Variants in CSNK1G2 observed in about 807,000 individuals in gnomAD.
The protein encoded by CSNK1G2 is casein kinase I isoform gamma-2.
CSNK1G2 carries 11 observed loss-of-function variants against 48.0 expected under a neutral mutation model. The ratio of observed to expected loss-of-function variants is 0.23; its 90% CI spans 0.14 to 0.38. The LOEUF is 0.38. Ranked by LOEUF, CSNK1G2 falls within the 10% of genes least tolerant of loss-of-function variation. The pLI is 1.00. For missense variants in CSNK1G2, 446 were observed against 595.5 expected (o/e 0.75, Z 2.61); for synonymous variants, 337 against 254.1 (o/e 1.33, Z -3.10).
At chr19:1,953,348 C>A (rs747704892) in intron 1 of CSNK1G2, 1 of 531,700 alleles carries the variant, frequency 1.9e-6, no homozygotes, top group South Asian at 1.4e-5. Context: ...GCTGTGGGGG[C>A]CTGTGCGCCA....
chr19:1,957,139 G>A lies in CSNK1G2; in HGVS notation c.-265-12369G>A, dbSNP rs1210205118. Among the ~76,000 whole-genome samples the A allele has an allele frequency of 6.6e-6, 1 of 152,178 alleles. No individual in the cohort carries two copies. Among genetic ancestry groups the A allele is most frequent in the Non-Finnish European group, 1.5e-5 (1 of 68,030 alleles). ...GGGTCCCCGGCTGTGGAGAGGGCAA[G>A]GCAGGGGCGGCTAGAAAGAAAAGCA... On this transcript the variant is annotated intron_variant, in intron 1 of 11. Coordinates refer to ENST00000255641, the MANE Select transcript of CSNK1G2 (RefSeq NM_001319.7). The surrounding 1 kb of genome is among the most constrained non-coding windows in gnomAD (Gnocchi z 5.4).
rs368766671 is a variant in CSNK1G2 at position 1,978,297 on chromosome 19, C to T, written c.188-8C>T. ...CGCTGGCGGTGCTGATGGTCTCTGT[C>T]CCCGCAGGAAAGAATCTCTATACAA... On this transcript the variant is annotated splice_polypyrimidine_tract_variant and splice_region_variant and intron_variant, in intron 2 of 11. Coordinates refer to ENST00000255641, the MANE Select transcript of CSNK1G2 (RefSeq NM_001319.7). This position sits in a 1 kb window ranked among gnomAD's most constrained non-coding sequence, Gnocchi z 7.3. 54 of 1,613,302 alleles carry T rather than the reference C, an allele frequency of 3.3e-5. No individual in the cohort carries two copies. In the African/African-American group the frequency reaches 6.9e-4, roughly 21 times the overall value.
At chr19:1,965,089 G>A (rs987163072) in intron 1 of CSNK1G2, among the ~76,000 whole-genome samples, 2 of 150,518 alleles carry the variant, frequency 1.3e-5, no homozygotes, top group Admixed American at 6.6e-5. Context: ...AAGATCCCTA[G>A]TGGAGACGTA....
intron 1 of CSNK1G2, among the ~76,000 whole-genome samples, chr19:1,966,549 T>C (rs1433731493): frequency 6.6e-6 from 1 of 152,122 alleles, no homozygotes; most frequent in East Asian, 1.9e-4. Context: ...ACAAAGAACT[T>C]GGAACAGCCC....
At chr19:1,964,771 G>T (rs1000817034) in intron 1 of CSNK1G2, among the ~76,000 whole-genome samples, 3 of 151,252 alleles carry the variant, frequency 2.0e-5, no homozygotes, top group African/African-American at 7.3e-5. Flanking sequence ...CGTCACCCAG[G>T]CTGGAGTGCA....
Position 1,978,594 on chromosome 19 carries a change from C to T in CSNK1G2, c.299-8C>T, listed in dbSNP as rs376961305. 1.8e-4 allele frequency: 283 copies of T among 1,588,288 alleles called. 1 individual carries two copies. The Middle Eastern group carries it at 2.7e-3, about 15-fold the overall frequency. ...GCCGCACGCCCGTGCGTCTGTCCTC[C>T]GCCGCAGAGGGCGTCCCTCAGGTCT... On this transcript the variant is annotated splice_polypyrimidine_tract_variant and splice_region_variant and intron_variant, in intron 4 of 11. Coordinates refer to ENST00000255641, the MANE Select transcript of CSNK1G2 (RefSeq NM_001319.7). This position sits in a 1 kb window ranked among gnomAD's most constrained non-coding sequence, Gnocchi z 7.3.
At chr19:1,955,391 G>A (rs1325177398) in intron 1 of CSNK1G2, among the ~76,000 whole-genome samples, 1 of 152,186 alleles carries the variant, frequency 6.6e-6, no homozygotes, top group Non-Finnish European at 1.5e-5. Flanking sequence ...AGCGGCCACC[G>A]TGGGCGGCAG....
chr19:1,953,010 G>A lies in CSNK1G2; in HGVS notation c.-266+11592G>A, dbSNP rs539784942. ...AGTCTGGGTGGCAGAGCGAGACTCC[G>A]TCTGAAAAAAAAAACAAAGGAAATG... On this transcript the variant is annotated intron_variant, in intron 1 of 11. Coordinates refer to ENST00000255641, the MANE Select transcript of CSNK1G2 (RefSeq NM_001319.7). 19 of 412,176 alleles carry A rather than the reference G, an allele frequency of 4.6e-5. No homozygotes were observed. In the East Asian group the frequency reaches 1.5e-3, roughly 32 times the overall value. 25.5% of individuals were successfully genotyped at this position (412,176 alleles called of 1,614,324 possible). A position where few individuals can be genotyped will look rare whatever the true frequency, so the allele number is the denominator to read the frequency against.
In CSNK1G2 at chr19:1,952,843, G is replaced by A. The variant is rs372199329; in HGVS notation, c.-266+11425G>A. 3.0e-5 allele frequency: 11 copies of A among 368,660 alleles called. 1 individual carries two copies. Among genetic ancestry groups the A allele is most frequent in the East Asian group, 1.1e-4 (1 of 9,200 alleles). 22.8% of individuals were successfully genotyped at this position (368,660 alleles called of 1,614,324 possible). ...TCCCCGGGGAGTTAGGCCGAACCCT[G>A]CTGTGCCCTTCACTCTGCAGCCCTC... On this transcript the variant is annotated intron_variant, in intron 1 of 11. Coordinates refer to ENST00000255641, the MANE Select transcript of CSNK1G2 (RefSeq NM_001319.7).
chr19:1,952,873 G>A lies in CSNK1G2; in HGVS notation c.-266+11455G>A, dbSNP rs561634721. 16 of 430,572 alleles carry A rather than the reference G, an allele frequency of 3.7e-5. No homozygotes were observed. In the East Asian group the frequency reaches 1.0e-3, roughly 28 times the overall value. The allele number at this position is 430,572 out of a possible 1,614,324, so 26.7% of individuals were successfully genotyped here. ...GCCCTTCACTCTGCAGCCCTCGTGG[G>A]GATCATCACAGAGGCAGGAGCTGGC... On this transcript the variant is annotated intron_variant, in intron 1 of 11. Coordinates refer to ENST00000255641, the MANE Select transcript of CSNK1G2 (RefSeq NM_001319.7).
At chr19:1,963,433 C>G (rs922340304) in intron 1 of CSNK1G2, among the ~76,000 whole-genome samples, 13 of 151,524 alleles carry the variant, frequency 8.6e-5, no homozygotes, top group African/African-American at 2.9e-4. Context: ...AGGATGGTCT[C>G]TATCTCCTGA....
At chr19:1,967,308 C>T (rs1021602641) in intron 1 of CSNK1G2, among the ~76,000 whole-genome samples, 1 of 152,174 alleles carries the variant, frequency 6.6e-6, no homozygotes, top group African/African-American at 2.4e-5. Context: ...TCGGCGATGG[C>T]TGTGCACCCA....
chr19:1,953,015 A>T, intron 1 of CSNK1G2: 1 of 390,800 alleles, frequency 2.6e-6, no homozygotes, highest in East Asian at 1.0e-4. Flanking sequence ...ACTCCGTCTG[A>T]AAAAAAAAAC....
intron 2 of CSNK1G2, chr19:1,976,229 C>G (rs890131927): frequency 7.4e-6 from 5 of 678,752 alleles, no homozygotes; most frequent in Admixed American, 5.9e-5. Flanking sequence ...AGGAGGGGAG[C>G]CCATTTGTTC....
In CSNK1G2 at chr19:1,979,638, C is replaced by T. The variant is rs1599336470; in HGVS notation, c.997C>T (p.Pro333Ser). The T allele has an allele frequency of 6.2e-7, 1 of 1,603,474 alleles. No individual in the cohort carries two copies. The highest frequency in any genetic ancestry group is 8.5e-7 in the Non-Finnish European group (1 of 1,179,824). ...CTATGAGTACGACTGGGCCGGGAAG[C>T]CCCTGGTAGGTGGGGGGGTGCCGGT... ...FDYEYDWAGK[P>S]LPTPIGTVHT... is the part of the protein sequence containing the mutation. Residue 333 changes from proline (P) to serine (S), a missense_variant, in exon 9 of 12, where the codon CCC becomes TCC. By Grantham distance (74) the Pro-to-Ser change is moderately conservative. Around this residue, in one of 2 missense-constraint regions of CSNK1G2, gnomAD observed 188 missense variants for 179.6 expected, o/e 1.05. Coordinates refer to ENST00000255641, the MANE Select transcript of CSNK1G2 (RefSeq NM_001319.7).
chr19:1,963,213 G>A lies in CSNK1G2; in HGVS notation c.-265-6295G>A, dbSNP rs541491527. On this transcript the variant is annotated intron_variant, in intron 1 of 11. Transcript: ENST00000255641. ...TGAAAATAAAATATACAGTACTCTC[G>A]TGAGTTTATTATAGCCCATTGATTC... Among the ~76,000 whole-genome samples the A allele has an allele frequency of 1.1e-4, 16 of 152,082 alleles. No individual in the cohort carries two copies. In the South Asian group the frequency reaches 3.3e-3, roughly 32 times the overall value.
intron 2 of CSNK1G2, among the ~76,000 whole-genome samples, chr19:1,972,420 G>A (rs2015604552): frequency 6.6e-6 from 1 of 152,192 alleles, no homozygotes; most frequent in South Asian, 2.1e-4. Flanking sequence ...GTTCTAGAAT[G>A]TGTCGTTTTT....
rs1340472600 is a variant in CSNK1G2 at position 1,980,900 on chromosome 19, C to G, written c.*697C>G. 6.6e-6 allele frequency: 1 copy of G among 152,408 alleles called. No homozygotes were observed. Among genetic ancestry groups the G allele is most frequent in the Non-Finnish European group, 1.5e-5 (1 of 68,106 alleles). 9.4% of individuals were successfully genotyped at this position (152,408 alleles called of 1,614,324 possible). ...CAAGGGGCGGGTGGGCGCTGCCAGG[C>G]GGGTGCTTCTCGACGCACTTGCTCC... On this transcript the variant is annotated 3_prime_UTR_variant, in exon 12 of 12. Transcript: ENST00000255641.
intron 1 of CSNK1G2, among the ~76,000 whole-genome samples, chr19:1,955,143 T>A (rs2014938383): frequency 6.6e-6 from 1 of 152,020 alleles, no homozygotes; most frequent in African/African-American, 2.4e-5. Context: ...CCTGACCGAG[T>A]GGTGACCGCC....
Sources: allele counts gnomAD v4.1 joint callset (sites outside exome capture counted in the v4.1 genomes callset), GRCh38; gene constraint gnomAD v4.1.1; regional missense constraint gnomAD v4.1.1; non-coding constraint Gnocchi (gnomAD v3.1); transcripts MANE v1.5; gene names NCBI Gene and HGNC (gene_info 2026-07-23, HGNC 2026-07-21).